The following ARID1B variants were observed in gnomAD, a reference collection of about 807,000 sequenced individuals.
The protein encoded by ARID1B is AT-rich interactive domain-containing protein 1B.
ARID1B carries 30 observed loss-of-function variants against 212.3 expected under a neutral mutation model. The observed-to-expected ratio is 0.14, with a 90% CI of 0.11 to 0.19. The LOEUF is 0.19. Among genes scored for constraint, ARID1B ranks in the 10% least tolerant of loss-of-function variants. The pLI, the probability that ARID1B is intolerant of heterozygous loss-of-function variation, is 1.00. For synonymous variants in ARID1B, 1,402 were observed against 1,301.7 expected (o/e 1.08, Z -1.66); for missense variants, 2,891 against 3,204.0 (o/e 0.90, Z 2.36).
At chr6:156,911,139 A>G (rs979996835) in intron 3 of ARID1B, among the ~76,000 whole-genome samples, 11 of 152,236 alleles carry the variant, frequency 7.2e-5, no homozygotes, top group Non-Finnish European at 1.5e-4. Flanking sequence ...TGTCTCCAGC[A>G]GGGTTGTCAG....
chr6:156,919,834 A>AAATG (rs1308516833), intron 3 of ARID1B, among the ~76,000 whole-genome samples: 2 of 152,190 alleles, frequency 1.3e-5, no homozygotes, highest in Non-Finnish European at 2.9e-5. Context: ...TTGGCTCTTT[A>AAATG]AATGAATGAA....
intron 4 of ARID1B, among the ~76,000 whole-genome samples, chr6:157,041,325 C>T (rs1446044753): frequency 6.6e-6 from 1 of 151,966 alleles, no homozygotes; most frequent in East Asian, 1.9e-4. Flanking sequence ...CATTACTAAA[C>T]ATAGGGAAAA....
chr6:157,203,823 T>C lies in ARID1B; in HGVS notation c.5264-43T>C, dbSNP rs757086690. The C allele has an allele frequency of 1.2e-6, 2 of 1,611,156 alleles. No individual in the cohort carries two copies. Among genetic ancestry groups the C allele is most frequent in the African/African-American group, 1.3e-5 (1 of 74,982 alleles). ...TCGTTAACTTTCGTTCTTTCATGCA[T>C]AGAGTCAACATTCATGATATCCTTG... is the stretch of plus-strand genomic sequence containing the variant. On this transcript the variant is annotated intron_variant, in intron 18 of 19. Coordinates refer to ENST00000636930, the MANE Select transcript of ARID1B (RefSeq NM_001374828.1). This position sits in a 1 kb window ranked among gnomAD's most constrained non-coding sequence, Gnocchi z 4.4.
chr6:156,804,867 C>CAAAAA (rs61315445), intron 1 of ARID1B, among the ~76,000 whole-genome samples: 16 of 85,076 alleles, frequency 1.9e-4, no homozygotes, highest in Non-Finnish European at 2.7e-4. Flanking sequence ...ATCTGATTGG[C>CAAAAA]AAAAAAAAAA....
chr6:157,014,541 A>G (rs1019665339), intron 4 of ARID1B, among the ~76,000 whole-genome samples: 1 of 152,216 alleles, frequency 6.6e-6, no homozygotes, highest in Non-Finnish European at 1.5e-5. Flanking sequence ...CTGTACTTTA[A>G]TAGGTTAAAA....
At chr6:157,031,342 G>C (rs555366134) in intron 4 of ARID1B, among the ~76,000 whole-genome samples, 22 of 152,306 alleles carry the variant, frequency 1.4e-4, no homozygotes, top group Middle Eastern at 3.4e-3. Context: ...AATCAAGGGA[G>C]ATACAGCAAA....
At chr6:157,080,153 A>G (rs1410727889) in intron 4 of ARID1B, among the ~76,000 whole-genome samples, 2 of 152,324 alleles carry the variant, frequency 1.3e-5, no homozygotes, top group South Asian at 4.1e-4. Flanking sequence ...AGATGCCCAA[A>G]TGTGTGCAGT....
chr6:156,867,574 GATTA>G (rs1785792625), intron 2 of ARID1B, among the ~76,000 whole-genome samples: 2 of 152,074 alleles, frequency 1.3e-5, no homozygotes, highest in African/African-American at 2.4e-5. Context: ...AATACCACCT[GATTA>G]ATTTTTTTTT....
rs539814082 is a variant in ARID1B at position 156,871,511 on chromosome 6, A to C, written c.1987-29865A>C. On this transcript the variant is annotated intron_variant, in intron 2 of 19. Transcript: ENST00000636930. ...ACCTGAGGTTTTCTTGGAGTGATTAAGTTGCTCAAGGTCACCTAATTAATA... is the reference window on the plus strand; with the variant it reads ...ACCTGAGGTTTTCTTGGAGTGATTACGTTGCTCAAGGTCACCTAATTAATA... 3.1e-6 allele frequency: 3 copies of C among 972,656 alleles called. No individual in the cohort carries two copies. In the South Asian group the frequency reaches 4.2e-5, roughly 14 times the overall value. 60.3% of individuals were successfully genotyped at this position (972,656 alleles called of 1,614,324 possible). A position where few individuals can be genotyped will look rare whatever the true frequency, so the allele number is the denominator to read the frequency against.
chr6:157,095,943 T>G (rs1199519894), intron 5 of ARID1B, among the ~76,000 whole-genome samples: 2 of 152,240 alleles, frequency 1.3e-5, no homozygotes, highest in Non-Finnish European at 2.9e-5. Flanking sequence ...GTGCCTTTTC[T>G]TAGAAGCCGA....
At chr6:157,182,072 A>C (rs748964038) in intron 12 of ARID1B, among the ~76,000 whole-genome samples, 1 of 152,062 alleles carries the variant, frequency 6.6e-6, no homozygotes, top group Non-Finnish European at 1.5e-5. Context: ...CCCCAGTAAG[A>C]CTTTGTCTCC....
intron 7 of ARID1B, among the ~76,000 whole-genome samples, chr6:157,144,293 C>T (rs531805985): frequency 1.4e-4 from 21 of 152,270 alleles, no homozygotes; most frequent in African/African-American, 4.1e-4. Flanking sequence ...CTAATAAAAC[C>T]GCATGATGGG....
chr6:157,085,355 A>G (rs1784899999), intron 5 of ARID1B, among the ~76,000 whole-genome samples: 1 of 152,194 alleles, frequency 6.6e-6, no homozygotes, highest in Non-Finnish European at 1.5e-5. Context: ...GTCTGATCAC[A>G]TGCAGGCACT....
intron 3 of ARID1B, among the ~76,000 whole-genome samples, chr6:156,905,246 G>GCA (rs1332724351): frequency 5.3e-5 from 4 of 76,046 alleles, no homozygotes; most frequent in South Asian, 3.3e-4. Flanking sequence ...GCTCACATAT[G>GCA]CACGCACACA....
chr6:157,144,085 GCTC>G (rs1789556797), intron 7 of ARID1B, among the ~76,000 whole-genome samples: 2 of 152,346 alleles, frequency 1.3e-5, no homozygotes, highest in South Asian at 4.1e-4. Context: ...TTGAAACACA[GCTC>G]CTCTCTCTTT....
At chr6:156,920,394 G>GT (rs1271480481) in intron 3 of ARID1B, among the ~76,000 whole-genome samples, 1 of 152,002 alleles carries the variant, frequency 6.6e-6, no homozygotes, top group Non-Finnish European at 1.5e-5. Context: ...TTCCTGGATT[G>GT]TTTTTTTGCT....
intron 3 of ARID1B, among the ~76,000 whole-genome samples, chr6:156,933,843 G>T (rs141236771): frequency 3.3e-5 from 5 of 152,224 alleles, no homozygotes; most frequent in Non-Finnish European, 7.4e-5. Flanking sequence ...TTATTGGCAC[G>T]CTCCTGTATT....
intron 1 of ARID1B, among the ~76,000 whole-genome samples, chr6:156,796,516 C>T (rs557108551): frequency 3.7e-4 from 57 of 152,052 alleles, no homozygotes; most frequent in Admixed American, 7.2e-4. Flanking sequence ...AAGCTAACAC[C>T]TGTCTACTTG....
At chr6:156,905,524 T>TCAG in intron 3 of ARID1B, among the ~76,000 whole-genome samples, 1 of 152,324 alleles carries the variant, frequency 6.6e-6, no homozygotes, top group East Asian at 1.9e-4. Flanking sequence ...TTGAAATTGT[T>TCAG]AATTCCATTT....
Sources: allele counts gnomAD v4.1 joint callset (sites outside exome capture counted in the v4.1 genomes callset), GRCh38; gene constraint gnomAD v4.1.1; non-coding constraint Gnocchi (gnomAD v3.1); transcripts MANE v1.5; gene names NCBI Gene and HGNC (gene_info 2026-07-23, HGNC 2026-07-21).